Variants in FGD6 observed in about 807,000 individuals in gnomAD.
FGD6 encodes the protein FYVE, RhoGEF and PH domain containing 6.
A neutral mutation model predicts 149.4 loss-of-function variants in FGD6; 90 were observed. That is an observed-to-expected ratio of 0.60 (90% CI 0.51 to 0.72). The LOEUF (loss-of-function observed/expected upper bound fraction) is 0.72, where lower values mean the gene tolerates loss of function less well. FGD6 is among the 30% of genes least tolerant of loss of function. The pLI, the probability that FGD6 is intolerant of heterozygous loss-of-function variation, is 0.00. For synonymous variants in FGD6, 527 were observed against 584.0 expected, an observed-to-expected ratio of 0.90 and a Z score of 1.41; for missense variants, 1,437 against 1,684.8, an observed-to-expected ratio of 0.85 and a Z score of 2.57.
intron 20 of FGD6, among the ~76,000 whole-genome samples, chr12:95,082,359 C>G (rs1443152029): frequency 6.6e-6 from 1 of 151,926 alleles, no homozygotes; most frequent in Admixed American, 6.6e-5. Context: ...AGTTTGCATG[C>G]TGTATGAGAG....
intron 2 of FGD6, among the ~76,000 whole-genome samples, chr12:95,184,692 G>A (rs1229675131): frequency 4.2e-5 from 6 of 143,804 alleles, no homozygotes; most frequent in South Asian, 2.2e-4. Flanking sequence ...AGCGATTCTC[G>A]CGCCTCAGCC....
At chr12:95,176,287 G>A (rs923815006) in intron 2 of FGD6, among the ~76,000 whole-genome samples, 2 of 152,148 alleles carry the variant, frequency 1.3e-5, no homozygotes, top group African/African-American at 4.8e-5. Flanking sequence ...AATGCCAATT[G>A]TATAGTTTGG....
chr12:95,112,603 C>CA (rs1218349629), intron 9 of FGD6, among the ~76,000 whole-genome samples: 2 of 151,454 alleles, frequency 1.3e-5, no homozygotes, highest in African/African-American at 2.4e-5. Flanking sequence ...CTGTCTCAAA[C>CA]AAAAAAAGAA....
chr12:95,128,006 A>AT (rs1265765060), intron 8 of FGD6, among the ~76,000 whole-genome samples: 2 of 152,192 alleles, frequency 1.3e-5, no homozygotes, highest in Admixed American at 1.3e-4. Flanking sequence ...ATTATACAAC[A>AT]TATAGCACAG....
Position 95,199,267 on chromosome 12 carries a change from A to G in FGD6, c.2441+9576T>C, listed in dbSNP as rs1456601002. On this transcript the variant is annotated intron_variant, in intron 2 of 20. Coordinates refer to ENST00000343958, the MANE Select transcript of FGD6 (RefSeq NM_018351.4). ...TTGCATCAGTGAGTGAAGAGACTTT[A>G]CTGCATGATTTATAATGATTCCTTT... Among the ~76,000 whole-genome samples the G allele has an allele frequency of 2.6e-5, 4 of 152,192 alleles. No individual in the cohort carries two copies. In the East Asian group the frequency reaches 7.7e-4, roughly 29 times the overall value.
At chr12:95,083,404 A>G (rs11834548) in intron 20 of FGD6, among the ~76,000 whole-genome samples, 38,646 of 151,992 alleles carry the variant, frequency 0.25, 5,373 homozygotes, top group Non-Finnish European at 0.27. Flanking sequence ...ACTCAATGAT[A>G]TAAGCAAAAG....
In FGD6 at chr12:95,137,660, A is replaced by G; in HGVS notation, c.2856T>C (p.Ile952=). 1 of 1,601,732 alleles carries G rather than the reference A, an allele frequency of 6.2e-7. No homozygotes were observed. The highest frequency in any genetic ancestry group is 8.5e-7 in the Non-Finnish European group (1 of 1,175,834). Residue 952 remains isoleucine (I), a synonymous_variant, in exon 7 of 21, where the codon ATT becomes ATC. Coordinates refer to ENST00000343958, the MANE Select transcript of FGD6 (RefSeq NM_018351.4). ...GTCCCTTCTTTACAAAGATATCAGC[A>G]ATTCTTTGTTGTTCAGTCCTATGGA... ...RMLHWTEQQR[I]ADIFVKKGPY...
chr12:95,148,073 G>C (rs1880066630), intron 5 of FGD6, among the ~76,000 whole-genome samples: 1 of 152,096 alleles, frequency 6.6e-6, no homozygotes, highest in African/African-American at 2.4e-5. Flanking sequence ...GTGAAGAACA[G>C]TTCTCACATG....
At chr12:95,182,021 C>T (rs934781455) in intron 2 of FGD6, among the ~76,000 whole-genome samples, 7 of 150,642 alleles carry the variant, frequency 4.6e-5, no homozygotes, top group South Asian at 2.1e-4. Context: ...TTATTGAAAA[C>T]GAAAAAGTTT....
Position 95,210,308 on chromosome 12 carries a change from A to C in FGD6, c.976T>G (p.Leu326Val). The C allele has an allele frequency of 6.2e-7, 1 of 1,614,178 alleles. No homozygotes were observed. The change falls in exon 2 of 21, where the codon TTA becomes GTA. Residue 326 changes from leucine to valine, a missense_variant. Leu to Val is a conservative substitution (Grantham distance 32, BLOSUM62 1). Coordinates refer to ENST00000343958, the MANE Select transcript of FGD6 (RefSeq NM_018351.4). ...GGAGTATCTACACACTTTTGGCGTA[A>C]CAGACGAGCAGTTCGTGTCTTTCTG... is the stretch of plus-strand genomic sequence containing the variant. ...KPRKTRTARL[L>V]RQKCVDTPSE... is the part of the protein sequence containing the mutation.
In FGD6 at chr12:95,081,409, G is replaced by A. The variant is rs1877667346; in HGVS notation, c.*111C>T. On this transcript the variant is annotated 3_prime_UTR_variant, in exon 21 of 21. Coordinates refer to ENST00000343958, the MANE Select transcript of FGD6 (RefSeq NM_018351.4). ...AACAATTTCTTTGATGAAGGGTCTG[G>A]TTGGCTTTATCTTGGCAGTGTTCAT... 6 of 829,618 alleles carry A rather than the reference G, an allele frequency of 7.2e-6. No individual in the cohort carries two copies. The Admixed American group carries it at 1.1e-4, about 15-fold the overall frequency. The allele number at this position is 829,618 out of a possible 1,614,324, so 51.4% of individuals were successfully genotyped here. A position where few individuals can be genotyped will look rare whatever the true frequency, so the allele number is the denominator to read the frequency against.
chr12:95,121,423 C>G (rs1376377991), intron 8 of FGD6, among the ~76,000 whole-genome samples: 1 of 132,388 alleles, frequency 7.6e-6, no homozygotes, highest in African/African-American at 3.0e-5. Context: ...GCACTCCAGC[C>G]TGGGTAATAA....
In FGD6 at chr12:95,137,303, A is replaced by G. The variant is rs577370203; in HGVS notation, c.2994+219T>C. Among the ~76,000 whole-genome samples the G allele has an allele frequency of 3.3e-5, 5 of 152,304 alleles. No homozygotes were observed. The South Asian group carries it at 1.0e-3, about 32-fold the overall frequency. ...TCAAAAAAAAAATTCTTTCCAAGTC[A>G]AAATATTCCCATGTGCAATAACAGA... On this transcript the variant is annotated intron_variant, in intron 7 of 20. Transcript: ENST00000343958.
At chr12:95,173,746 T>C (rs1018402948) in intron 2 of FGD6, among the ~76,000 whole-genome samples, 1 of 152,040 alleles carries the variant, frequency 6.6e-6, no homozygotes, top group African/African-American at 2.4e-5. Context: ...CAGTAAAAGA[T>C]CCACAATCAT....
At chr12:95,194,674 G>A (rs1881692220) in intron 2 of FGD6, among the ~76,000 whole-genome samples, 1 of 152,174 alleles carries the variant, frequency 6.6e-6, no homozygotes, top group Admixed American at 6.5e-5. Context: ...GGTGAAGATG[G>A]AGATGCAAAC....
At chr12:95,168,251 G>C (rs1230012232) in intron 3 of FGD6, among the ~76,000 whole-genome samples, 1 of 152,072 alleles carries the variant, frequency 6.6e-6, no homozygotes, top group Non-Finnish European at 1.5e-5. Context: ...ATGTAAATAA[G>C]TTTCATATTT....
intron 2 of FGD6, among the ~76,000 whole-genome samples, chr12:95,193,730 T>C (rs1336991811): frequency 6.6e-6 from 1 of 151,986 alleles, no homozygotes; most frequent in African/African-American, 2.4e-5. Context: ...GGTTTCACCA[T>C]GTTGGCCAGG....
At chr12:95,177,922 T>C (rs931056249) in intron 2 of FGD6, among the ~76,000 whole-genome samples, 1 of 150,980 alleles carries the variant, frequency 6.6e-6, no homozygotes, top group Non-Finnish European at 1.5e-5. Context: ...TATTTATTTA[T>C]TTATTTATTT....
At chr12:95,197,441 A>G (rs1049084065) in intron 2 of FGD6, among the ~76,000 whole-genome samples, 4 of 152,122 alleles carry the variant, frequency 2.6e-5, no homozygotes, top group African/African-American at 9.7e-5. Flanking sequence ...TCTAAAAAAT[A>G]AAAACAAACA....
Sources: gnomAD v4.1 joint callset for allele counts (sites outside exome capture counted in the v4.1 genomes callset) on GRCh38, gnomAD v4.1.1 for gene constraint, MANE v1.5 for transcripts, NCBI Gene and HGNC (gene_info 2026-07-23, HGNC 2026-07-21) for gene names.